The following SYNDIG1L variants were observed in gnomAD, a reference collection of about 807,000 sequenced individuals.
SYNDIG1L encodes synapse differentiation-inducing gene protein 1-like.
SYNDIG1L carries 13 observed loss-of-function variants against 20.1 expected under a neutral mutation model. The observed-to-expected ratio is 0.65, with a 90% confidence interval of 0.42 to 1.03. The LOEUF (loss-of-function observed/expected upper bound fraction) is 1.03, where lower values mean the gene tolerates loss of function less well. SYNDIG1L is among the 50% of genes least tolerant of loss of function. SYNDIG1L has a pLI of 0.00. For synonymous variants in SYNDIG1L, 128 were observed against 129.3 expected (o/e 0.99, Z 0.07); for missense variants, 294 against 305.1 (o/e 0.96, Z 0.27).
the SYNDIG1L span, among the ~76,000 whole-genome samples, chr14:74,453,898 G>A: frequency 9.2e-5 from 14 of 152,144 alleles, no homozygotes; most frequent in South Asian, 2.1e-4. Context: ...CTGGGGAGGC[G>A]GAGGTTGCAG....
chr14:74,429,886 A>G (rs555211915), upstream of SYNDIG1L, among the ~76,000 whole-genome samples: 2 of 152,354 alleles, frequency 1.3e-5, no homozygotes, highest in South Asian at 4.1e-4. Context: ...ACCCCCAGCA[A>G]TGAAGTCTAG....
the SYNDIG1L span, among the ~76,000 whole-genome samples, chr14:74,457,409 C>T: frequency 6.6e-6 from 1 of 152,052 alleles, no homozygotes. Context: ...ACAGCAGCTC[C>T]TTGCACGCCT....
the SYNDIG1L span, among the ~76,000 whole-genome samples, chr14:74,478,120 T>C: frequency 6.6e-6 from 1 of 152,258 alleles, no homozygotes; most frequent in Non-Finnish European, 1.5e-5. Flanking sequence ...TCTTTGTCTT[T>C]AGTGCTTCCC....
At chr14:74,450,555 T>A in the SYNDIG1L span, among the ~76,000 whole-genome samples, 33 of 152,154 alleles carry the variant, frequency 2.2e-4, no homozygotes, top group African/African-American at 7.5e-4. Flanking sequence ...GTGTAATTCA[T>A]CTTCTTAATA....
the SYNDIG1L span, among the ~76,000 whole-genome samples, chr14:74,444,472 T>A: frequency 2.0e-4 from 30 of 151,714 alleles, no homozygotes. Context: ...AAAATAAGGC[T>A]GGGCATGGTG....
the SYNDIG1L span, among the ~76,000 whole-genome samples, chr14:74,438,100 G>A: frequency 1.3e-5 from 2 of 152,210 alleles, no homozygotes; most frequent in South Asian, 2.1e-4. Flanking sequence ...TGCACCTACT[G>A]TATGCTATAT....
chr14:74,466,691 G>A, the SYNDIG1L span, among the ~76,000 whole-genome samples: 79 of 152,264 alleles, frequency 5.2e-4, no homozygotes, highest in African/African-American at 1.9e-3. Flanking sequence ...CTTCCATCAC[G>A]GCTGCTCATT....
At chr14:74,441,656 C>A in the SYNDIG1L span, among the ~76,000 whole-genome samples, 1 of 152,048 alleles carries the variant, frequency 6.6e-6, no homozygotes, top group South Asian at 2.1e-4. Context: ...CAGGTGAGTG[C>A]CGCCATGCTT....
intron 1 of SYNDIG1L, among the ~76,000 whole-genome samples, chr14:74,411,425 A>C (rs2086129838): frequency 6.6e-6 from 1 of 152,130 alleles, no homozygotes; most frequent in Non-Finnish European, 1.5e-5. Flanking sequence ...GCTAAGGGTG[A>C]AGGGCAAAGT....
the SYNDIG1L span, among the ~76,000 whole-genome samples, chr14:74,449,307 A>T: frequency 6.6e-6 from 1 of 151,578 alleles, no homozygotes; most frequent in Non-Finnish European, 1.5e-5. Context: ...ACACATCAAA[A>T]GTTGTGTGAT....
At chr14:74,429,055 C>T (rs2086285902), upstream of SYNDIG1L, among the ~76,000 whole-genome samples, 1 of 152,106 alleles carries the variant, frequency 6.6e-6, no homozygotes, top group African/African-American at 2.4e-5. Context: ...TTTATTTTCC[C>T]TTTGGTTCCT....
chr14:74,477,113 T>G, the SYNDIG1L span, among the ~76,000 whole-genome samples: 9 of 80,938 alleles, frequency 1.1e-4, 1 homozygote, highest in East Asian at 1.2e-3. Context: ...CCCAGCCCCA[T>G]TCCCAACACA....
the SYNDIG1L span, among the ~76,000 whole-genome samples, chr14:74,440,319 T>C: frequency 6.6e-6 from 1 of 152,000 alleles, no homozygotes; most frequent in African/African-American, 2.4e-5. Context: ...ACCGAGACCA[T>C]CCTGGCTAAC....
intron 2 of SYNDIG1L, 133 bp downstream of exon 2, chr14:74,409,195 C>T (rs1432430202): frequency 1.7e-6 from 1 of 603,508 alleles, no homozygotes. Context: ...CCTCTCACTT[C>T]AGCCTCCTGA....
chr14:74,436,849 CA>C, the SYNDIG1L span, among the ~76,000 whole-genome samples: 255 of 89,290 alleles, frequency 2.9e-3, 1 homozygote, highest in Middle Eastern at 0.023. Flanking sequence ...AAACTCGTCT[CA>C]AAAAAAAAAA....
At chr14:74,437,338 G>A in the SYNDIG1L span, among the ~76,000 whole-genome samples, 1 of 152,104 alleles carries the variant, frequency 6.6e-6, no homozygotes, top group African/African-American at 2.4e-5. Context: ...ATGATAAATC[G>A]ATCATGAACA....
chr14:74,428,365 T>C (rs1014582058), upstream of SYNDIG1L, among the ~76,000 whole-genome samples: 9 of 152,180 alleles, frequency 5.9e-5, no homozygotes, highest in Admixed American at 3.9e-4. Flanking sequence ...CCATGCAAAG[T>C]TTCCATTCTT....
chr14:74,475,307 A>G, the SYNDIG1L span, among the ~76,000 whole-genome samples: 1 of 151,490 alleles, frequency 6.6e-6, no homozygotes, highest in Non-Finnish European at 1.5e-5. Flanking sequence ...TCATGTCATC[A>G]TTAGAACCAC....
At chr14:74,467,249 G>C in the SYNDIG1L span, among the ~76,000 whole-genome samples, 1 of 152,160 alleles carries the variant, frequency 6.6e-6, no homozygotes, top group African/African-American at 2.4e-5. Context: ...TTACGGGTGT[G>C]AGCCACTGCG....
Sources: gnomAD v4.1 joint callset for allele counts (sites outside exome capture counted in the v4.1 genomes callset) on GRCh38, gnomAD v4.1.1 for gene constraint, MANE v1.5 for transcripts, NCBI Gene and HGNC (gene_info 2026-07-23, HGNC 2026-07-21) for gene names.